COBLL1: variants seen among roughly 807,000 people sequenced by gnomAD.
The protein encoded by COBLL1 is cordon-bleu WH2 repeat protein like 1.
A neutral mutation model predicts 94.8 loss-of-function variants in COBLL1; 50 were observed. The ratio of observed to expected loss-of-function variants is 0.53; its 90% CI spans 0.42 to 0.67. COBLL1 has a LOEUF of 0.67. Ranked by LOEUF, COBLL1 falls within the 30% of genes least tolerant of loss-of-function variation. The probability of loss-of-function intolerance (pLI) is 0.00; values close to 1 mark genes in which losing one functional copy is unlikely to be tolerated. For missense variants in COBLL1, 1,362 were observed against 1,348.7 expected, an observed-to-expected ratio of 1.01 and a Z score of -0.15; for synonymous variants, 448 against 473.8, an observed-to-expected ratio of 0.95 and a Z score of 0.71.
At chr2:164,735,716 T>C (rs1011730984) in intron 3 of COBLL1, among the ~76,000 whole-genome samples, 12 of 152,154 alleles carry the variant, frequency 7.9e-5, no homozygotes, top group African/African-American at 2.7e-4. Context: ...GATGCCAAAC[T>C]ACTTCTGCCA....
chr2:164,776,692 C>T (rs569864440), intron 2 of COBLL1, among the ~76,000 whole-genome samples: 2 of 152,100 alleles, frequency 1.3e-5, no homozygotes, highest in African/African-American at 4.8e-5. Context: ...ATAACAGGGA[C>T]TGGGACTCGA....
rs578014569 is a variant in COBLL1, at chr2:164,686,497, A to G, written c.3301-465T>C. On this transcript the variant is annotated intron_variant, in intron 13 of 13. Coordinates refer to ENST00000652658, the MANE Select transcript of COBLL1 (RefSeq NM_001365672.2). ...CCCAATGGCCCCCTATTTATTCAAAACAAAAAAACTAGCCCTTGGTTTTAA... is the reference window on the plus strand; with the variant it reads ...CCCAATGGCCCCCTATTTATTCAAAGCAAAAAAACTAGCCCTTGGTTTTAA... Among the ~76,000 whole-genome samples, 3 of 152,270 alleles carry G rather than the reference A, an allele frequency of 2.0e-5. No homozygotes were observed. The South Asian group carries it at 6.2e-4, about 32-fold the overall frequency.
At chr2:164,692,118 G>C in intron 13 of COBLL1, 103 bp downstream of exon 13, 4 of 987,856 alleles carry the variant, frequency 4.0e-6, no homozygotes, top group Non-Finnish European at 5.7e-6. Flanking sequence ...GTAACTTTGG[G>C]AACCCTATTT....
intron 2 of COBLL1, among the ~76,000 whole-genome samples, chr2:164,808,136 T>C (rs1334539070): frequency 2.0e-5 from 3 of 152,160 alleles, no homozygotes; most frequent in Non-Finnish European, 4.4e-5. Context: ...TCATTTTAAA[T>C]AATATCTTTG....
At chr2:164,831,413 C>A (rs1683069012) in intron 2 of COBLL1, among the ~76,000 whole-genome samples, 1 of 149,568 alleles carries the variant, frequency 6.7e-6, no homozygotes, top group African/African-American at 2.5e-5. Context: ...TAGTAGGGAT[C>A]ATTTAAATTT....
chr2:164,721,893 A>G (rs981695164), intron 7 of COBLL1, 182 bp downstream of exon 7: 9 of 443,404 alleles, frequency 2.0e-5, no homozygotes, highest in African/African-American at 1.8e-4. Context: ...TAGAAGATCT[A>G]TTCCTAGTAC....
intron 2 of COBLL1, among the ~76,000 whole-genome samples, chr2:164,790,941 TTGAAA>T (rs1447108736): frequency 6.6e-6 from 1 of 152,208 alleles, no homozygotes; most frequent in Non-Finnish European, 1.5e-5. Context: ...TCTGCATAAC[TTGAAA>T]TATCATATTA....
Position 164,841,054 on chromosome 2 carries a change from G to T in COBLL1, c.41+102C>A. The T allele has an allele frequency of 8.5e-7, 1 of 1,172,352 alleles. No individual in the cohort carries two copies. Among genetic ancestry groups the T allele is most frequent in the Non-Finnish European group, 1.1e-6 (1 of 935,352 alleles). The allele number at this position is 1,172,352 out of a possible 1,614,324, so 72.6% of individuals were successfully genotyped here. ...AGGACAGTCAGTGAGTCAGGCCGCC[G>T]GCAGGGCAGCGAGTTGCCAGCCAGG... is the stretch of plus-strand genomic sequence containing the variant. On this transcript the variant is annotated intron_variant, in intron 2 of 13. Transcript: ENST00000652658. The surrounding 1 kb of genome is among the most constrained non-coding windows in gnomAD (Gnocchi z 5.5).
At chr2:164,742,470 T>C (rs552658597) in intron 3 of COBLL1, among the ~76,000 whole-genome samples, 5 of 152,232 alleles carry the variant, frequency 3.3e-5, no homozygotes, top group East Asian at 1.9e-4. Context: ...GAATTGATGA[T>C]AATGGCCATT....
chr2:164,715,362 C>G (rs564237078), intron 7 of COBLL1, among the ~76,000 whole-genome samples: 1 of 152,036 alleles, frequency 6.6e-6, no homozygotes, highest in East Asian at 1.9e-4. Flanking sequence ...TAGAATTATG[C>G]ATGGTGGTCC....
At chr2:164,796,615 T>C (rs980481970) in intron 2 of COBLL1, among the ~76,000 whole-genome samples, 2 of 144,590 alleles carry the variant, frequency 1.4e-5, no homozygotes, top group Non-Finnish European at 3.0e-5. Context: ...AAATTTACTA[T>C]AATTAATAAA....
chr2:164,679,337 G>T (rs1192616063), downstream of COBLL1, among the ~76,000 whole-genome samples: 1 of 151,966 alleles, frequency 6.6e-6, no homozygotes, highest in Non-Finnish European at 1.5e-5. Flanking sequence ...GAGAAATACT[G>T]GTCACTTTCA....
At chr2:164,840,751 T>C (rs1405385382) in intron 2 of COBLL1, 1 of 165,936 alleles carries the variant, frequency 6.0e-6, no homozygotes, top group Non-Finnish European at 1.3e-5. Context: ...ACCTTGACAT[T>C]GCTCACCTGC....
At chr2:164,798,286 T>C (rs1268440501) in intron 2 of COBLL1, among the ~76,000 whole-genome samples, 1 of 152,238 alleles carries the variant, frequency 6.6e-6, no homozygotes, top group African/African-American at 2.4e-5. Flanking sequence ...TTGTGAAATA[T>C]CAAATTCCTC....
At chr2:164,705,488 C>T (rs1309767910) in intron 7 of COBLL1, 1 of 154,262 alleles carries the variant, frequency 6.5e-6, no homozygotes, top group Non-Finnish European at 1.4e-5. Context: ...AAATCTACCT[C>T]TTTACAGCTG....
intron 7 of COBLL1, chr2:164,718,103 A>G (rs1049804588): frequency 3.8e-6 from 1 of 263,160 alleles, no homozygotes; most frequent in African/African-American, 2.3e-5. Context: ...ATGACATACT[A>G]AAATTTTACG....
At chr2:164,773,074 A>C (rs1688286688) in intron 2 of COBLL1, among the ~76,000 whole-genome samples, 1 of 152,158 alleles carries the variant, frequency 6.6e-6, no homozygotes, top group Non-Finnish European at 1.5e-5. Context: ...AATTGTTACT[A>C]CCAAGAGGGT....
At chr2:164,776,319 A>G (rs1410883424) in intron 2 of COBLL1, among the ~76,000 whole-genome samples, 2 of 152,020 alleles carry the variant, frequency 1.3e-5, no homozygotes, top group East Asian at 1.9e-4. Context: ...AGTGCTATCT[A>G]GTTCTCATGG....
chr2:164,835,616 T>C (rs1683284134), intron 2 of COBLL1, among the ~76,000 whole-genome samples: 1 of 152,162 alleles, frequency 6.6e-6, no homozygotes, highest in African/African-American at 2.4e-5. Flanking sequence ...CACTGAACCA[T>C]GCAGTTAAAA....
Sources: allele counts gnomAD v4.1 joint callset (sites outside exome capture counted in the v4.1 genomes callset), GRCh38; gene constraint gnomAD v4.1.1; non-coding constraint Gnocchi (gnomAD v3.1); transcripts MANE v1.5; gene names NCBI Gene and HGNC (gene_info 2026-07-23, HGNC 2026-07-21).